GALNTL6: variants seen among roughly 807,000 people sequenced by gnomAD.
GALNTL6 encodes polypeptide N-acetylgalactosaminyltransferase like 6.
Under a neutral mutation model 73.7 loss-of-function variants are expected in GALNTL6, and 46 were observed. The ratio of observed to expected loss-of-function variants is 0.62; its 90% confidence interval spans 0.49 to 0.80. GALNTL6 has a LOEUF of 0.80. Among genes scored for constraint, GALNTL6 ranks in the 30% least tolerant of loss-of-function variants. The pLI is 0.00. For missense variants in GALNTL6, 604 were observed against 755.0 expected (o/e 0.80, Z 2.34); for synonymous variants, 259 against 263.7 (o/e 0.98, Z 0.17).
chr4:172,529,735 G>T (rs1374039628), intron 5 of GALNTL6, among the ~76,000 whole-genome samples: 1 of 151,788 alleles, frequency 6.6e-6, no homozygotes, highest in East Asian at 1.9e-4. Flanking sequence ...ACCCAGGATG[G>T]AGTGTAATGG....
At chr4:172,943,357 A>G (rs1749006301) in intron 9 of GALNTL6, among the ~76,000 whole-genome samples, 1 of 152,166 alleles carries the variant, frequency 6.6e-6, no homozygotes, top group South Asian at 2.1e-4. Flanking sequence ...GATTACTGCT[A>G]CCTCAGCCAA....
chr4:172,540,544 GAAGCCTTGACT>G (rs1182192194), intron 5 of GALNTL6, among the ~76,000 whole-genome samples: 1 of 152,150 alleles, frequency 6.6e-6, no homozygotes, highest in African/African-American at 2.4e-5. Context: ...ACAAATCCAA[GAAGCCTTGACT>G]AAGTGGCCCC....
chr4:172,827,320 C>A (rs1742321497), intron 7 of GALNTL6, among the ~76,000 whole-genome samples: 1 of 152,184 alleles, frequency 6.6e-6, no homozygotes, highest in Non-Finnish European at 1.5e-5. Context: ...CCCTTCCCTC[C>A]AACAGGCAAG....
At chr4:172,160,599 T>G (rs1471491107) in intron 2 of GALNTL6, among the ~76,000 whole-genome samples, 3 of 151,924 alleles carry the variant, frequency 2.0e-5, no homozygotes, top group Non-Finnish European at 4.4e-5. Context: ...TTTTGTTTCA[T>G]TCGAAAAAAC....
intron 2 of GALNTL6, among the ~76,000 whole-genome samples, chr4:172,223,516 A>T (rs1418131000): frequency 6.6e-6 from 1 of 152,102 alleles, no homozygotes; most frequent in African/African-American, 2.4e-5. Flanking sequence ...TGCTCAGTGC[A>T]TAGAGTTCAG....
intron 5 of GALNTL6, among the ~76,000 whole-genome samples, chr4:172,402,770 A>G (rs1014550417): frequency 2.0e-5 from 3 of 152,100 alleles, no homozygotes; most frequent in African/African-American, 7.2e-5. Flanking sequence ...CTGTTTGATC[A>G]TTTTACCAGG....
intron 2 of GALNTL6, among the ~76,000 whole-genome samples, chr4:171,840,372 C>T (rs1400814037): frequency 1.3e-5 from 2 of 151,126 alleles, no homozygotes; most frequent in Non-Finnish European, 2.9e-5. Context: ...GTCATACATG[C>T]GGAAATAAAC....
At chr4:173,014,982 T>C (rs920617908) in intron 11 of GALNTL6, among the ~76,000 whole-genome samples, 1 of 152,174 alleles carries the variant, frequency 6.6e-6, no homozygotes, top group Non-Finnish European at 1.5e-5. Context: ...ATGAGGGCAG[T>C]TACCTTCATG....
At chr4:172,642,833 C>T (rs1442797801) in intron 5 of GALNTL6, among the ~76,000 whole-genome samples, 2 of 151,580 alleles carry the variant, frequency 1.3e-5, no homozygotes, top group South Asian at 2.1e-4. Flanking sequence ...AAATATATTC[C>T]ATTTTTATTT....
intron 2 of GALNTL6, among the ~76,000 whole-genome samples, chr4:171,930,936 G>T (rs138396575): frequency 2.6e-5 from 4 of 152,156 alleles, no homozygotes; most frequent in Admixed American, 6.5e-5. Context: ...CAGCAATTAG[G>T]TAAGAGAAGG....
At chr4:172,255,498 TTAATAACTAG>T (rs897290806) in intron 3 of GALNTL6, among the ~76,000 whole-genome samples, 33 of 151,582 alleles carry the variant, frequency 2.2e-4, no homozygotes, top group African/African-American at 8.0e-4. Flanking sequence ...TTTACTCCAA[TTAATAACTAG>T]TAACCTCTAA....
At chr4:171,979,917 T>C (rs2111078013) in intron 2 of GALNTL6, among the ~76,000 whole-genome samples, 1 of 151,192 alleles carries the variant, frequency 6.6e-6, no homozygotes, top group East Asian at 2.0e-4. Context: ...ATAGAGAGGG[T>C]CAAAGAGAGA....
chr4:172,423,972 G>A (rs1327603713), intron 5 of GALNTL6, among the ~76,000 whole-genome samples: 1 of 152,006 alleles, frequency 6.6e-6, no homozygotes, highest in Admixed American at 6.6e-5. Context: ...ACATGCCTCA[G>A]CTTTGTTGAG....
chr4:171,854,297 G>T (rs939221548), intron 2 of GALNTL6, among the ~76,000 whole-genome samples: 6 of 152,090 alleles, frequency 3.9e-5, no homozygotes, highest in African/African-American at 1.4e-4. Context: ...AATGCTAATG[G>T]CTATGCTCTC....
chr4:172,589,790 G>C (rs902721304), intron 5 of GALNTL6, among the ~76,000 whole-genome samples: 2 of 152,134 alleles, frequency 1.3e-5, no homozygotes, highest in African/African-American at 2.4e-5. Context: ...GTCCTGTTCT[G>C]TTTTATTAAC....
intron 6 of GALNTL6, among the ~76,000 whole-genome samples, chr4:172,811,622 G>A (rs1741304508): frequency 6.6e-6 from 1 of 152,082 alleles, no homozygotes; most frequent in South Asian, 2.1e-4. Context: ...AAAAACAAAT[G>A]CTTAGCCATC....
intron 2 of GALNTL6, among the ~76,000 whole-genome samples, chr4:171,883,561 C>T (rs1019165273): frequency 6.6e-6 from 1 of 151,852 alleles, no homozygotes; most frequent in South Asian, 2.1e-4. Context: ...ATTATTTTGA[C>T]GTCAGTTCTT....
chr4:172,592,151 A>G (rs1737662366), intron 5 of GALNTL6, among the ~76,000 whole-genome samples: 1 of 152,234 alleles, frequency 6.6e-6, no homozygotes, highest in African/African-American at 2.4e-5. Context: ...TGGTGCCAGC[A>G]TCTGCTCAGC....
At chr4:172,296,121 C>T (rs1425324644) in intron 3 of GALNTL6, among the ~76,000 whole-genome samples, 2 of 151,942 alleles carry the variant, frequency 1.3e-5, no homozygotes, top group African/African-American at 2.4e-5. Context: ...TTGTGGATAC[C>T]CTTTGTCAGA....
Sources: allele counts gnomAD v4.1 joint callset (sites outside exome capture counted in the v4.1 genomes callset), GRCh38; gene constraint gnomAD v4.1.1; transcripts MANE v1.5; gene names NCBI Gene and HGNC (gene_info 2026-07-23, HGNC 2026-07-21).